The following ST8SIA6 variants were observed in gnomAD, a reference collection of about 807,000 sequenced individuals.
The protein encoded by ST8SIA6 is alpha-2,8-sialyltransferase 8F.
Under a neutral mutation model 33.6 loss-of-function variants are expected in ST8SIA6, and 39 were observed. The observed-to-expected ratio is 1.16, with a 90% CI of 0.90 to 1.52. The LOEUF (loss-of-function observed/expected upper bound fraction) is 1.52, where lower values mean the gene tolerates loss of function less well. ST8SIA6 is among the 40% of genes most tolerant of loss of function. The pLI is 0.00. For synonymous variants in ST8SIA6, 172 were observed against 167.2 expected, an observed-to-expected ratio of 1.03 and a Z score of -0.22; for missense variants, 441 against 443.8, an observed-to-expected ratio of 0.99 and a Z score of 0.06.
At chr10:17,401,679 G>A (rs1851048841) in intron 2 of ST8SIA6, among the ~76,000 whole-genome samples, 1 of 152,196 alleles carries the variant, frequency 6.6e-6, no homozygotes, top group Non-Finnish European at 1.5e-5. Flanking sequence ...AAGAAATGGG[G>A]AAAGGATTCC....
chr10:17,361,101 G>C (rs10795473), intron 3 of ST8SIA6, among the ~76,000 whole-genome samples: 31,796 of 151,988 alleles, frequency 0.21, 3,936 homozygotes, highest in East Asian at 0.59. Context: ...TATATTCATA[G>C]TGTATTTCTG....
In ST8SIA6 at chr10:17,370,896, A is replaced by G. The variant is rs1406660767; in HGVS notation, c.291-11296T>C. Among the ~76,000 whole-genome samples the G allele has an allele frequency of 2.0e-5, 3 of 152,202 alleles. No individual in the cohort carries two copies. In the East Asian group the frequency reaches 5.8e-4, roughly 29 times the overall value. On this transcript the variant is annotated intron_variant, in intron 3 of 7. Transcript: ENST00000377602. ...AGAAGTTATCTGTCTACTTACAGAA[A>G]TAGGATCCCCCTACCTACTTTGTTG...
At chr10:17,421,204 T>A (rs1309135968) in intron 2 of ST8SIA6, among the ~76,000 whole-genome samples, 1 of 152,136 alleles carries the variant, frequency 6.6e-6, no homozygotes, top group Non-Finnish European at 1.5e-5. Context: ...AGAACACAAC[T>A]GGGAAAGGCC....
chr10:17,404,250 G>T (rs1851165032), intron 2 of ST8SIA6, among the ~76,000 whole-genome samples: 1 of 152,116 alleles, frequency 6.6e-6, no homozygotes, highest in African/African-American at 2.4e-5. Context: ...TGAGACACTG[G>T]AAGATTAAAT....
intron 3 of ST8SIA6, 45 bp downstream of exon 3, chr10:17,390,486 A>G (rs1426653520): frequency 4.0e-6 from 6 of 1,486,904 alleles, no homozygotes; most frequent in Non-Finnish European, 5.6e-6. Flanking sequence ...CTGAAAATAA[A>G]ACCCTTGTTG....
chr10:17,417,898 A>G (rs184056888), intron 2 of ST8SIA6, among the ~76,000 whole-genome samples: 4 of 152,336 alleles, frequency 2.6e-5, no homozygotes, highest in East Asian at 3.9e-4. Flanking sequence ...CAAAAATAAT[A>G]AAGTACAGAG....
intron 3 of ST8SIA6, among the ~76,000 whole-genome samples, chr10:17,384,236 C>A (rs79897413): frequency 0.014 from 2,034 of 149,424 alleles, 23 homozygotes; most frequent in Non-Finnish European, 0.022. Context: ...AGGCACAGTA[C>A]CCCCAGGATA....
At chr10:17,408,571 A>G (rs1317193387) in intron 2 of ST8SIA6, among the ~76,000 whole-genome samples, 1 of 151,802 alleles carries the variant, frequency 6.6e-6, no homozygotes, top group East Asian at 2.0e-4. Flanking sequence ...GAGAGAGGAG[A>G]ATCGCTTGAA....
intron 2 of ST8SIA6, among the ~76,000 whole-genome samples, chr10:17,431,628 A>C (rs1471730881): frequency 6.6e-6 from 1 of 152,174 alleles, no homozygotes; most frequent in African/African-American, 2.4e-5. Context: ...TCCTAAAAAC[A>C]ACCCTGCGGG....
chr10:17,419,207 T>A (rs904174554), intron 2 of ST8SIA6, among the ~76,000 whole-genome samples: 1 of 152,000 alleles, frequency 6.6e-6, no homozygotes, highest in African/African-American at 2.4e-5. Context: ...GGCTGTAATT[T>A]TTCTCCATGT....
At chr10:17,383,590 G>A (rs1326695765) in intron 3 of ST8SIA6, among the ~76,000 whole-genome samples, 2 of 152,144 alleles carry the variant, frequency 1.3e-5, no homozygotes, top group Admixed American at 1.3e-4. Flanking sequence ...TTCATCCATG[G>A]ACAATTGTTG....
At chr10:17,423,423 A>T (rs1156912542) in intron 2 of ST8SIA6, among the ~76,000 whole-genome samples, 2 of 152,046 alleles carry the variant, frequency 1.3e-5, no homozygotes, top group Admixed American at 6.5e-5. Flanking sequence ...CCCTCCTCCA[A>T]CTAGCTCCAT....
intron 4 of ST8SIA6, among the ~76,000 whole-genome samples, chr10:17,348,744 C>T (rs1192406341): frequency 2.0e-5 from 3 of 152,172 alleles, no homozygotes; most frequent in Non-Finnish European, 4.4e-5. Flanking sequence ...CTGTTTTTGC[C>T]TGGCCTCTGG....
rs557048539 is a variant in ST8SIA6, at chr10:17,325,196, G to A, written c.635+1818C>T. ...CATATGTAATGTATACATATTATACGTATATAATTACATATAATACTGTAT... is the reference window on the plus strand; with the variant it reads ...CATATGTAATGTATACATATTATACATATATAATTACATATAATACTGTAT... On this transcript the variant is annotated intron_variant, in intron 6 of 7. Coordinates refer to ENST00000377602, the MANE Select transcript of ST8SIA6 (RefSeq NM_001004470.3). Among the ~76,000 whole-genome samples the A allele has an allele frequency of 2.3e-3, 330 of 140,844 alleles. 2 individuals carry two copies. Among genetic ancestry groups the A allele is most frequent in the African/African-American group, 6.9e-3 (268 of 39,036 alleles). 92.4% of individuals were successfully genotyped at this position (140,844 alleles called of 152,430 possible).
chr10:17,327,885 C>T (rs539951085), intron 5 of ST8SIA6, among the ~76,000 whole-genome samples: 11 of 151,862 alleles, frequency 7.2e-5, no homozygotes, highest in East Asian at 3.9e-4. Flanking sequence ...CCAGCCTGGG[C>T]GACAGAGCAA....
At chr10:17,413,167 A>G (rs1301442540) in intron 2 of ST8SIA6, among the ~76,000 whole-genome samples, 2 of 152,160 alleles carry the variant, frequency 1.3e-5, no homozygotes, top group South Asian at 2.1e-4. Context: ...TTCAAGGAAT[A>G]TAATATTCAG....
chr10:17,369,134 C>T (rs553700833), intron 3 of ST8SIA6, among the ~76,000 whole-genome samples: 2 of 152,254 alleles, frequency 1.3e-5, no homozygotes, highest in Admixed American at 1.3e-4. Context: ...CATATATGTA[C>T]TGTTAAGTGG....
chr10:17,390,949 C>T (rs181126966), intron 2 of ST8SIA6, among the ~76,000 whole-genome samples: 134 of 151,984 alleles, frequency 8.8e-4, no homozygotes, highest in Admixed American at 2.7e-3. Context: ...ACCTCCACCT[C>T]CCTGGTTCAA....
At chr10:17,360,056 C>T (rs1204398460) in intron 3 of ST8SIA6, among the ~76,000 whole-genome samples, 1 of 152,068 alleles carries the variant, frequency 6.6e-6, no homozygotes, top group African/African-American at 2.4e-5. Context: ...TTGAACTGTA[C>T]ATTCAACACC....
Sources: allele counts gnomAD v4.1 joint callset (sites outside exome capture counted in the v4.1 genomes callset), GRCh38; gene constraint gnomAD v4.1.1; transcripts MANE v1.5; gene names NCBI Gene and HGNC (gene_info 2026-07-23, HGNC 2026-07-21).